CDH11: variants seen among roughly 807,000 people sequenced by gnomAD.
CDH11 encodes cadherin-11.
In CDH11, 11 loss-of-function variants were observed where a neutral mutation model predicts 67.8. That is an observed-to-expected ratio of 0.16 (90% CI 0.10 to 0.27). The LOEUF is 0.27. Among genes scored for constraint, CDH11 ranks in the 10% least tolerant of loss-of-function variants. CDH11 has a pLI of 1.00. For missense variants in CDH11, 847 were observed against 1,031.2 expected (o/e 0.82, Z 2.45); for synonymous variants, 419 against 400.0 (o/e 1.05, Z -0.57).
At position 64,945,193 on chromosome 16, in the gene CDH11, C is replaced by T; in HGVS notation, c.*2410G>A. On this transcript the variant is annotated 3_prime_UTR_variant, in exon 13 of 13. Transcript: ENST00000268603. ...GTTTAAATTAAGACTTCTTTTAAGG[C>T]AATGTGCTCCAAATGAAAAAGGACT... 1 of 201,928 alleles carries T rather than the reference C, an allele frequency of 5.0e-6. No homozygotes were observed. Among genetic ancestry groups the T allele is most frequent in the South Asian group, 1.9e-4 (1 of 5,260 alleles). The allele number at this position is 201,928 out of a possible 1,614,324, so 12.5% of individuals were successfully genotyped here. A position where few individuals can be genotyped will look rare whatever the true frequency, so the allele number is the denominator to read the frequency against.
At chr16:64,948,150 G>A in intron 12 of CDH11, 51 bp from the exon 13 acceptor site, 4 of 1,564,426 alleles carry the variant, frequency 2.6e-6, no homozygotes, top group Non-Finnish European at 3.4e-6. Flanking sequence ...AGTATTCCTG[G>A]GTTCTTCTGC....
At chr16:65,118,272 T>A (rs2075276793) in intron 1 of CDH11, among the ~76,000 whole-genome samples, 1 of 152,120 alleles carries the variant, frequency 6.6e-6, no homozygotes, top group Non-Finnish European at 1.5e-5. Context: ...CTAATTATGC[T>A]CCTCGAGTGT....
In CDH11 at chr16:64,982,111, G is replaced by A. The variant is rs756694480; in HGVS notation, c.1190C>T (p.Ala397Val). Residue 397 changes from alanine to valine, a missense_variant, in exon 8 of 13, where the codon GCT becomes GTT. Transcript: ENST00000268603. ...CACTCTCCCAACCACGGTGCCAGCA[G>A]CTGCATTTTCTTGGACTTCGTGGAT... ...SYIHEVQENAAAGTVVGRVHA... is the reference protein window; with the variant it reads ...SYIHEVQENAVAGTVVGRVHA... The A allele has an allele frequency of 6.2e-7, 1 of 1,614,066 alleles. No individual in the cohort carries two copies. The highest frequency in any genetic ancestry group is 1.7e-5 in the Admixed American group (1 of 60,016).
intron 2 of CDH11, among the ~76,000 whole-genome samples, chr16:65,043,961 C>T (rs534558696): frequency 2.6e-5 from 4 of 151,976 alleles, no homozygotes; most frequent in Non-Finnish European, 5.9e-5. Flanking sequence ...TGGAATGGGG[C>T]AGCTAATGTT....
chr16:65,101,518 T>C (rs929707331), intron 1 of CDH11, among the ~76,000 whole-genome samples: 1 of 152,122 alleles, frequency 6.6e-6, no homozygotes, highest in African/African-American at 2.4e-5. Flanking sequence ...CATTCTTTCT[T>C]CCTCATTTTT....
intron 2 of CDH11, among the ~76,000 whole-genome samples, chr16:65,016,322 GA>G (rs766149938): frequency 9.2e-5 from 14 of 151,988 alleles, no homozygotes; most frequent in Admixed American, 1.3e-4. Flanking sequence ...AAAGTAATGG[GA>G]TTTTTTTTTA....
At position 65,004,922 on chromosome 16, in the gene CDH11, C is replaced by G. The variant is rs558463496; in HGVS notation, c.-53G>C. On this transcript the variant is annotated 5_prime_UTR_variant, in exon 3 of 13. Transcript: ENST00000268603. The stretch of plus-strand genomic sequence containing the variant: ...ATGCAGCTGTCACCCCTTCCACCAA[C>G]TGTACGGTGGTCTTGCTGAGGGTGG... 2 of 1,465,728 alleles carry G rather than the reference C, an allele frequency of 1.4e-6. No homozygotes were observed. The highest frequency in any genetic ancestry group is 2.5e-5 in the Admixed American group (1 of 40,200). The allele number at this position is 1,465,728 out of a possible 1,614,324, so 90.8% of individuals were successfully genotyped here.
chr16:64,956,531 T>G (rs1033204462), intron 11 of CDH11, among the ~76,000 whole-genome samples: 1 of 152,198 alleles, frequency 6.6e-6, no homozygotes, highest in African/African-American at 2.4e-5. Flanking sequence ...CAAGAAAATG[T>G]TTTTCAAGCA....
intron 2 of CDH11, among the ~76,000 whole-genome samples, chr16:65,009,369 A>T (rs1410767432): frequency 2.0e-5 from 3 of 152,184 alleles, no homozygotes; most frequent in Admixed American, 6.5e-5. Context: ...TTTAAACAAC[A>T]TATGACACAA....
chr16:65,042,805 C>T (rs1025995197), intron 2 of CDH11, among the ~76,000 whole-genome samples: 4 of 152,290 alleles, frequency 2.6e-5, no homozygotes, highest in East Asian at 1.9e-4. Context: ...TTTTCATCTG[C>T]ACCTGAATCC....
chr16:65,079,509 G>T (rs1250644096), intron 1 of CDH11, among the ~76,000 whole-genome samples: 1 of 152,042 alleles, frequency 6.6e-6, no homozygotes, highest in Non-Finnish European at 1.5e-5. Context: ...GTGTGTGTGT[G>T]TTTGTGTGTG....
intron 2 of CDH11, among the ~76,000 whole-genome samples, chr16:65,024,518 G>A (rs760726922): frequency 6.6e-6 from 1 of 151,984 alleles, no homozygotes; most frequent in Non-Finnish European, 1.5e-5. Context: ...TAGCAACTAG[G>A]CACATGTGGC....
At chr16:65,089,849 T>C (rs2074765630) in intron 1 of CDH11, among the ~76,000 whole-genome samples, 1 of 152,206 alleles carries the variant, frequency 6.6e-6, no homozygotes, top group East Asian at 1.9e-4. Flanking sequence ...TATGCTGTGT[T>C]GCACTGTGAA....
chr16:65,067,855 A>AAAGGGAGGGAGAAAGG (rs2074342580), intron 1 of CDH11, among the ~76,000 whole-genome samples: 1 of 131,704 alleles, frequency 7.6e-6, no homozygotes, highest in Admixed American at 7.7e-5. Context: ...TGAATTGGAG[A>AAAGGGAGGGAGAAAGG]AAGGGAGGGA....
Position 64,945,360 on chromosome 16 carries a change from C to T in CDH11, c.*2243G>A, listed in dbSNP as rs372035691. The stretch of plus-strand genomic sequence containing the variant: ...GTATTCTTAACTACTGAAAAGTAAA[C>T]AGCCTTTTTAAAAAAGACTTCAACA... On this transcript the variant is annotated 3_prime_UTR_variant, in exon 13 of 13. Transcript: ENST00000268603. 6.5e-4 allele frequency: 615 copies of T among 940,152 alleles called. No individual in the cohort carries two copies. In the South Asian group the frequency reaches 8.1e-3, roughly 12 times the overall value. The allele number at this position is 940,152 out of a possible 1,614,324, so 58.2% of individuals were successfully genotyped here.
At chr16:65,095,369 A>T (rs980346178) in intron 1 of CDH11, among the ~76,000 whole-genome samples, 1 of 152,058 alleles carries the variant, frequency 6.6e-6, no homozygotes, top group Non-Finnish European at 1.5e-5. Flanking sequence ...TGATAAACCT[A>T]CTCCACCATC....
intron 1 of CDH11, among the ~76,000 whole-genome samples, chr16:65,089,076 C>A (rs2074748498): frequency 6.6e-6 from 1 of 152,208 alleles, no homozygotes; most frequent in South Asian, 2.1e-4. Flanking sequence ...TAGTTGAGGT[C>A]ATCTTCTTGT....
At chr16:65,098,690 C>T (rs560468140) in intron 1 of CDH11, among the ~76,000 whole-genome samples, 76 of 152,162 alleles carry the variant, frequency 5.0e-4, no homozygotes, top group African/African-American at 1.5e-3. Flanking sequence ...TAGTATCACC[C>T]GTAGCATCTC....
intron 1 of CDH11, among the ~76,000 whole-genome samples, chr16:65,117,346 T>C (rs1232114575): frequency 6.6e-6 from 1 of 152,216 alleles, no homozygotes; most frequent in Non-Finnish European, 1.5e-5. Context: ...AATGGAGTTT[T>C]CCTCTTAATT....
Sources: gnomAD v4.1 joint callset for allele counts (sites outside exome capture counted in the v4.1 genomes callset) on GRCh38, gnomAD v4.1.1 for gene constraint, MANE v1.5 for transcripts, NCBI Gene and HGNC (gene_info 2026-07-23, HGNC 2026-07-21) for gene names.